The following AGBL4 variants were observed in gnomAD, a reference collection of about 807,000 sequenced individuals.
The protein encoded by AGBL4 is AGBL carboxypeptidase 4, also known as cytosolic carboxypeptidase 6.
Under a neutral mutation model 66.4 loss-of-function variants are expected in AGBL4, and 58 were observed. That is an observed-to-expected ratio of 0.87 (90% confidence interval 0.71 to 1.09). The LOEUF is 1.09. Ranked by LOEUF, AGBL4 falls within the 50% of genes least tolerant of loss-of-function variation. AGBL4 has a pLI of 0.00. For synonymous variants in AGBL4, 234 were observed against 222.9 expected (o/e 1.05, Z -0.44); for missense variants, 579 against 631.0 (o/e 0.92, Z 0.88).
rs72893777 is a variant in AGBL4 at position 48,905,557 on chromosome 1, C to T, written c.595-38327G>A. On this transcript the variant is annotated intron_variant, in intron 5 of 13. Coordinates refer to ENST00000371839, the MANE Select transcript of AGBL4 (RefSeq NM_032785.4). ...ACAGCTCTCATTTATTTGAGAACTT[C>T]CTGTTCTTAGCACTTCATAGAAATT... Among the ~76,000 whole-genome samples, 239 of 152,258 alleles carry T rather than the reference C, an allele frequency of 1.6e-3. 4 individuals are homozygous for T. The highest frequency in any genetic ancestry group is 5.6e-3 in the African/African-American group (231 of 41,558).
chr1:49,768,329 G>A (rs1643953237), intron 2 of AGBL4, among the ~76,000 whole-genome samples: 1 of 152,120 alleles, frequency 6.6e-6, no homozygotes. Flanking sequence ...AATTGACCAT[G>A]TTCAAGTAGG....
At chr1:49,664,887 G>A (rs1417399463) in intron 3 of AGBL4, among the ~76,000 whole-genome samples, 1 of 152,022 alleles carries the variant, frequency 6.6e-6, no homozygotes, top group Non-Finnish European at 1.5e-5. Flanking sequence ...TTACAGTTAG[G>A]TGCTATATGC....
intron 3 of AGBL4, among the ~76,000 whole-genome samples, chr1:49,389,892 A>T (rs974003341): frequency 2.0e-5 from 3 of 152,188 alleles, no homozygotes; most frequent in African/African-American, 7.2e-5. Flanking sequence ...ATAAAGGTAT[A>T]ATCCAATTGA....
chr1:48,975,696 G>A (rs758105650), intron 5 of AGBL4, among the ~76,000 whole-genome samples: 13 of 152,076 alleles, frequency 8.5e-5, no homozygotes, highest in South Asian at 2.1e-4. Context: ...CGGCATACAA[G>A]GTTCTAATAG....
chr1:49,373,599 T>A (rs2148558942), intron 3 of AGBL4, among the ~76,000 whole-genome samples: 1 of 152,220 alleles, frequency 6.6e-6, no homozygotes, highest in Non-Finnish European at 1.5e-5. Flanking sequence ...CAGTTCAAAA[T>A]AAATTTGTTA....
intron 6 of AGBL4, among the ~76,000 whole-genome samples, chr1:48,666,241 C>T (rs894837246): frequency 6.6e-6 from 1 of 151,990 alleles, no homozygotes; most frequent in Non-Finnish European, 1.5e-5. Context: ...CCCCTCCTGT[C>T]ACCAAATCTC....
chr1:49,214,269 T>C (rs1237736898), intron 4 of AGBL4, among the ~76,000 whole-genome samples: 1 of 152,062 alleles, frequency 6.6e-6, no homozygotes, highest in Non-Finnish European at 1.5e-5. Context: ...GGTTGGGAAA[T>C]AACCCAGTAA....
intron 6 of AGBL4, among the ~76,000 whole-genome samples, chr1:48,852,887 G>A (rs1309798449): frequency 2.0e-5 from 3 of 152,146 alleles, no homozygotes; most frequent in Non-Finnish European, 4.4e-5. Context: ...AAGTAATACT[G>A]ATAATCATAA....
intron 2 of AGBL4, among the ~76,000 whole-genome samples, chr1:49,846,832 C>G (rs1033012015): frequency 1.3e-5 from 2 of 152,148 alleles, no homozygotes; most frequent in Non-Finnish European, 2.9e-5. Flanking sequence ...AGAATTAATA[C>G]TGTTAAAGTG....
intron 5 of AGBL4, among the ~76,000 whole-genome samples, chr1:49,032,207 G>A (rs1664286254): frequency 6.6e-6 from 1 of 152,136 alleles, no homozygotes; most frequent in Non-Finnish European, 1.5e-5. Context: ...AGATGATCCA[G>A]GACCTTGCAG....
intron 5 of AGBL4, among the ~76,000 whole-genome samples, chr1:49,000,562 A>G (rs924431000): frequency 3.3e-5 from 5 of 152,178 alleles, no homozygotes; most frequent in African/African-American, 1.2e-4. Context: ...ATCTTGGTCT[A>G]CATTTTTTTA....
chr1:49,551,341 G>C (rs1652935018), intron 3 of AGBL4, among the ~76,000 whole-genome samples: 1 of 152,134 alleles, frequency 6.6e-6, no homozygotes, highest in South Asian at 2.1e-4. Context: ...AGGTGAACTA[G>C]TATGATTTTT....
chr1:48,562,271 T>C (rs1441783823), intron 11 of AGBL4, among the ~76,000 whole-genome samples: 1 of 152,214 alleles, frequency 6.6e-6, no homozygotes, highest in Non-Finnish European at 1.5e-5. Context: ...AACGATTTTG[T>C]AGAATCCTGC....
chr1:49,272,902 A>G lies in AGBL4; in HGVS notation c.283-27038T>C, dbSNP rs1485176539. Among the ~76,000 whole-genome samples, 3 of 152,330 alleles carry G rather than the reference A, an allele frequency of 2.0e-5. No homozygotes were observed. The East Asian group carries it at 5.8e-4, about 29-fold the overall frequency. On this transcript the variant is annotated intron_variant, in intron 3 of 13. Coordinates refer to ENST00000371839, the MANE Select transcript of AGBL4 (RefSeq NM_032785.4). ...AATAAAGATAATTTTAAAAATTGTTAGTAAAATAAAATACATCTTAAGAAT... is the reference window on the plus strand; with the variant it reads ...AATAAAGATAATTTTAAAAATTGTTGGTAAAATAAAATACATCTTAAGAAT...
At chr1:48,851,351 A>C (rs1647026918) in intron 6 of AGBL4, among the ~76,000 whole-genome samples, 1 of 152,200 alleles carries the variant, frequency 6.6e-6, no homozygotes, top group Non-Finnish European at 1.5e-5. Context: ...AGGGTAGAGG[A>C]CTTAGTGGGA....
chr1:48,929,405 A>T (rs914013508), intron 5 of AGBL4, among the ~76,000 whole-genome samples: 3 of 151,912 alleles, frequency 2.0e-5, no homozygotes, highest in African/African-American at 7.3e-5. Context: ...TCCTGGAGCA[A>T]TTTTCTCTAC....
intron 4 of AGBL4, among the ~76,000 whole-genome samples, chr1:49,109,216 G>T (rs1178113418): frequency 1.3e-5 from 2 of 152,120 alleles, no homozygotes; most frequent in Non-Finnish European, 2.9e-5. Flanking sequence ...TTGGGGAGAA[G>T]GTTTCCCCAG....
intron 1 of AGBL4, among the ~76,000 whole-genome samples, chr1:49,916,069 CA>C (rs1446775549): frequency 6.6e-6 from 1 of 152,074 alleles, no homozygotes; most frequent in African/African-American, 2.4e-5. Flanking sequence ...ACATCCACAC[CA>C]AAACCCCATC....
At chr1:49,094,034 G>A (rs148732110) in intron 4 of AGBL4, among the ~76,000 whole-genome samples, 68 of 152,224 alleles carry the variant, frequency 4.5e-4, no homozygotes, top group African/African-American at 1.1e-3. Context: ...GTGACTTTTC[G>A]CATAGTTTTG....
Sources: gnomAD v4.1 joint callset for allele counts (sites outside exome capture counted in the v4.1 genomes callset) on GRCh38, gnomAD v4.1.1 for gene constraint, MANE v1.5 for transcripts, NCBI Gene and HGNC (gene_info 2026-07-23, HGNC 2026-07-21) for gene names.